NR2C1: variants seen among roughly 807,000 people sequenced by gnomAD.
The protein encoded by NR2C1 is nuclear receptor subfamily 2 group C member 1, also known as TR2 nuclear hormone receptor.
Under a neutral mutation model 74.8 loss-of-function variants are expected in NR2C1, and 33 were observed. That is an observed-to-expected ratio of 0.44 (90% confidence interval 0.33 to 0.59). NR2C1 has a LOEUF of 0.59. Among genes scored for constraint, NR2C1 ranks in the 20% least tolerant of loss-of-function variants. The pLI is 0.02. For synonymous variants in NR2C1, 225 were observed against 240.6 expected (o/e 0.94, Z 0.60); for missense variants, 568 against 715.6 (o/e 0.79, Z 2.35).
chr12:95,072,475 G>GA lies in NR2C1; in HGVS notation c.-8+904dup, dbSNP rs58342352. 8.4e-3 allele frequency among the ~76,000 whole-genome samples: 966 copies of GA among 115,568 alleles called. 15 individuals carry two copies. Among genetic ancestry groups the GA allele is most frequent in the African/African-American group, 0.03 (907 of 30,582 alleles). The allele number at this position is 115,568 out of a possible 152,430, so 75.8% of individuals were successfully genotyped here. A position where few individuals can be genotyped will look rare whatever the true frequency, so the allele number is the denominator to read the frequency against. On this transcript the variant is annotated intron_variant, in intron 1 of 13. Coordinates refer to ENST00000333003, the MANE Select transcript of NR2C1 (RefSeq NM_003297.4). ...CCTCTCAAAAAAAAAAAAAAAAAAA[G>GA]AAAAAAAAATCGAGTATCACCAACC...
rs1347477239 is a variant in NR2C1 at position 95,021,409 on chromosome 12, G to A, written c.*820C>T. ...CGCGCCTGTAATCCCAGTACTTTGG[G>A]AGGCTGAGGCAGGATCACTTGAGCC... On this transcript the variant is annotated 3_prime_UTR_variant, in exon 14 of 14. Coordinates refer to ENST00000333003, the MANE Select transcript of NR2C1 (RefSeq NM_003297.4). 2 of 151,886 alleles carry A rather than the reference G, an allele frequency of 1.3e-5. No homozygotes were observed. The highest frequency in any genetic ancestry group is 3.9e-4 in the East Asian group (2 of 5,082). 9.4% of individuals were successfully genotyped at this position (151,886 alleles called of 1,614,324 possible).
At chr12:95,072,112 A>G (rs1236119023) in intron 1 of NR2C1, among the ~76,000 whole-genome samples, 1 of 151,292 alleles carries the variant, frequency 6.6e-6, no homozygotes, top group Non-Finnish European at 1.5e-5. Context: ...GACTTAAAGC[A>G]AAGTTTAAAA....
chr12:95,051,674 TTATA>T lies in NR2C1; in HGVS notation c.965+84_965+87del, dbSNP rs1873025927. 4 of 1,195,120 alleles carry T rather than the reference TTATA, an allele frequency of 3.3e-6. No homozygotes were observed. In the East Asian group the frequency reaches 1.0e-4, roughly 31 times the overall value. 74.0% of individuals were successfully genotyped at this position (1,195,120 alleles called of 1,614,324 possible). A position where few individuals can be genotyped will look rare whatever the true frequency, so the allele number is the denominator to read the frequency against. On this transcript the variant is annotated intron_variant, in intron 8 of 13. Coordinates refer to ENST00000333003, the MANE Select transcript of NR2C1 (RefSeq NM_003297.4). Reference sequence around the variant, plus strand: ...AACCTGTATTTGTTTTCTGAAACTTTTATAAATAGCATTTAACATAAAAATGTTT... The same window carrying T: ...AACCTGTATTTGTTTTCTGAAACTTTAATAGCATTTAACATAAAAATGTTT...
chr12:95,062,923 A>G, intron 2 of NR2C1, 185 bp from the exon 3 acceptor site: 1 of 600,054 alleles, frequency 1.7e-6, no homozygotes, highest in Non-Finnish European at 2.9e-6. Context: ...CAAAGGTACA[A>G]TAGTAAGAAC....
In NR2C1 at chr12:95,062,887, C is replaced by T. The variant is rs542507439; in HGVS notation, c.55-149G>A. On this transcript the variant is annotated intron_variant, in intron 2 of 13. Coordinates refer to ENST00000333003, the MANE Select transcript of NR2C1 (RefSeq NM_003297.4). ...CGATTCTATTGCCACAAAATTCTAT[C>T]CTACAGAAATAAACAAATGTGCAAA... The T allele has an allele frequency of 2.0e-5, 13 of 636,006 alleles. No homozygotes were observed. In the South Asian group the frequency reaches 2.6e-4, roughly 12 times the overall value. The allele number at this position is 636,006 out of a possible 1,614,324, so 39.4% of individuals were successfully genotyped here.
chr12:95,037,697 C>T (rs563014455), intron 10 of NR2C1, among the ~76,000 whole-genome samples: 13 of 152,176 alleles, frequency 8.5e-5, no homozygotes, highest in African/African-American at 2.9e-4. Context: ...AGATCGAGAT[C>T]GGCCTGGCTA....
chr12:95,072,449 C>G (rs1592810249), intron 1 of NR2C1, among the ~76,000 whole-genome samples: 1 of 132,930 alleles, frequency 7.5e-6, no homozygotes, highest in South Asian at 2.5e-4. Flanking sequence ...GACTCCCTCT[C>G]CCTCTCAAAA....
At position 95,031,370 on chromosome 12, in the gene NR2C1, G is replaced by C. The variant is rs771791438; in HGVS notation, c.1372C>G (p.Leu458Val). 1 of 1,602,268 alleles carries C rather than the reference G, an allele frequency of 6.2e-7. No individual in the cohort carries two copies. The highest frequency in any genetic ancestry group is 1.1e-5 in the South Asian group (1 of 88,570). ...TTACCTTGTTGAAGACTATTGTGAA[G>C]ACAATTGACAAATGTTGCTAATATA... ...ATILATFVNCLHNSLQQDKMS... is the reference protein window; with the variant it reads ...ATILATFVNCVHNSLQQDKMS... Residue 458 changes from leucine to valine, a missense_variant, in exon 11 of 14, where the codon CTT (leucine) becomes GTT (valine). Leu to Val is a conservative substitution (Grantham distance 32). This residue lies in a region of NR2C1 where 117 missense variants were observed against 186.7 expected (regional missense o/e 0.63). Transcript: ENST00000333003.
chr12:95,040,639 A>C, intron 9 of NR2C1, 42 bp from the exon 10 acceptor site: 1 of 1,549,164 alleles, frequency 6.5e-7, no homozygotes, highest in East Asian at 2.3e-5. Flanking sequence ...TTATGACTGA[A>C]AAGTTCTAAA....
intron 13 of NR2C1, among the ~76,000 whole-genome samples, chr12:95,024,519 T>C (rs931639154): frequency 2.6e-5 from 4 of 152,236 alleles, no homozygotes; most frequent in Admixed American, 1.3e-4. Flanking sequence ...TCAAAGAATA[T>C]TGGTGAGAAA....
At position 95,031,404 on chromosome 12, in the gene NR2C1, A is replaced by T. The variant is rs1870094602; in HGVS notation, c.1338T>A (p.Asn446Lys). Residue 446 changes from asparagine (N) to lysine (K), a missense_variant, in exon 11 of 14, where the codon AAT (asparagine) becomes AAA (lysine). Physicochemically the swap from Asn to Lys is moderately conservative, Grantham distance 94 (BLOSUM62 0). Around this residue, in one of 6 missense-constraint regions of NR2C1, gnomAD observed 117 missense variants for 186.7 expected, o/e 0.63. Transcript: ENST00000333003. ...LGLAQCWQVM[N>K]VATILATFVN... ...CAAATGTTGCTAATATAGTTGCTAC[A>T]TTCATCACTTGCCAGCACTGGGCAA... 6.2e-7 allele frequency: 1 copy of T among 1,608,170 alleles called. No individual in the cohort carries two copies. The highest frequency in any genetic ancestry group is 1.3e-5 in the African/African-American group (1 of 74,580).
chr12:95,062,305 A>G (rs753960904), intron 3 of NR2C1, among the ~76,000 whole-genome samples: 1 of 152,216 alleles, frequency 6.6e-6, no homozygotes, highest in Non-Finnish European at 1.5e-5. Flanking sequence ...GTATGCAACA[A>G]AGAATCCCCA....
chr12:95,021,011 T>C lies in NR2C1; in HGVS notation c.*1218A>G, dbSNP rs967308014. The C allele has an allele frequency of 6.6e-5, 10 of 152,198 alleles. No homozygotes were observed. The highest frequency in any genetic ancestry group is 1.9e-4 in the African/African-American group (8 of 41,456). 9.4% of individuals were successfully genotyped at this position (152,198 alleles called of 1,614,324 possible). ...GTACTGGCTATGATAAATCCATTAT[T>C]TGACATATTGGGTGAGTTTTTTTAG... On this transcript the variant is annotated 3_prime_UTR_variant, in exon 14 of 14. Coordinates refer to ENST00000333003, the MANE Select transcript of NR2C1 (RefSeq NM_003297.4).
At chr12:95,040,653 T>C in intron 9 of NR2C1, 56 bp from the exon 10 acceptor site, 2 of 1,514,498 alleles carry the variant, frequency 1.3e-6, no homozygotes, top group African/African-American at 1.4e-5. Flanking sequence ...TTCTAAATTA[T>C]CATTTCTTTG....
intron 11 of NR2C1, 42 bp downstream of exon 11, chr12:95,031,307 C>G (rs1870079164): frequency 6.8e-6 from 10 of 1,470,054 alleles, no homozygotes; most frequent in Non-Finnish European, 9.0e-6. Flanking sequence ...AAACTCATGC[C>G]TCCTCCTACA....
chr12:95,066,306 A>G (rs1565877438), intron 2 of NR2C1, among the ~76,000 whole-genome samples: 1 of 152,232 alleles, frequency 6.6e-6, no homozygotes, highest in Non-Finnish European at 1.5e-5. Context: ...GCTCCAGACC[A>G]GCCTGGGCAA....
intron 7 of NR2C1, among the ~76,000 whole-genome samples, chr12:95,053,827 G>A (rs1873421997): frequency 6.6e-6 from 1 of 151,894 alleles, no homozygotes; most frequent in South Asian, 2.1e-4. Context: ...GGGACTACAG[G>A]CGCCCGCCAC....
At position 95,021,973 on chromosome 12, in the gene NR2C1, A is replaced by G. The variant is rs1269224254; in HGVS notation, c.*256T>C. On this transcript the variant is annotated 3_prime_UTR_variant, in exon 14 of 14. Transcript: ENST00000333003. Reference sequence around the variant, plus strand: ...TAGATAATCAAGAGGTGACAGCTTCAGGTATCATCTTCACCAAGAATAAAT... The same window carrying G: ...TAGATAATCAAGAGGTGACAGCTTCGGGTATCATCTTCACCAAGAATAAAT... 3 of 283,888 alleles carry G rather than the reference A, an allele frequency of 1.1e-5. No individual in the cohort carries two copies. The South Asian group carries it at 3.1e-4, about 29-fold the overall frequency. 17.6% of individuals were successfully genotyped at this position (283,888 alleles called of 1,614,324 possible). A position where few individuals can be genotyped will look rare whatever the true frequency, so the allele number is the denominator to read the frequency against.
Position 95,028,386 on chromosome 12 carries a change from C to A in NR2C1, c.1531+1G>T. ...TGAATAAAAAGTAAATGTTTATATA[C>A]CTGGACTGAAGAGTACTATTGCCTT... On this transcript the variant is annotated splice_donor_variant, in intron 12 of 13. Transcript: ENST00000333003. LOFTEE classifies it high-confidence loss of function. 1 of 1,607,602 alleles carries A rather than the reference C, an allele frequency of 6.2e-7. No individual in the cohort carries two copies. Among genetic ancestry groups the A allele is most frequent in the Non-Finnish European group, 8.5e-7 (1 of 1,176,282 alleles).
Sources: gnomAD v4.1 joint callset for allele counts (sites outside exome capture counted in the v4.1 genomes callset) on GRCh38, gnomAD v4.1.1 for gene constraint, gnomAD v4.1.1 regional missense constraint, MANE v1.5 for transcripts, NCBI Gene and HGNC (gene_info 2026-07-23, HGNC 2026-07-21) for gene names.